Variants in GLRA1 observed in about 807,000 individuals in gnomAD.
The protein encoded by GLRA1 is glycine receptor subunit alpha-1.
Under a neutral mutation model 48.3 loss-of-function variants are expected in GLRA1, and 37 were observed. The ratio of observed to expected loss-of-function variants is 0.77; its 90% confidence interval spans 0.59 to 1.01. The LOEUF (loss-of-function observed/expected upper bound fraction) is 1.01. GLRA1 is among the 50% of genes least tolerant of loss of function. The probability of loss-of-function intolerance (pLI) is 0.00; values close to 1 mark genes in which losing one functional copy is unlikely to be tolerated. For missense variants in GLRA1, 427 were observed against 571.0 expected, an observed-to-expected ratio of 0.75 and a Z score of 2.57; for synonymous variants, 196 against 210.7, an observed-to-expected ratio of 0.93 and a Z score of 0.60.
At chr5:151,833,506 C>T (rs909934080) in intron 7 of GLRA1, among the ~76,000 whole-genome samples, 1 of 152,036 alleles carries the variant, frequency 6.6e-6, no homozygotes, top group Admixed American at 6.5e-5. Context: ...TGTTGCCCCC[C>T]AGGGTGGAGT....
intron 3 of GLRA1, among the ~76,000 whole-genome samples, chr5:151,860,366 T>C (rs539491971): frequency 1.3e-5 from 2 of 152,302 alleles, no homozygotes; most frequent in Non-Finnish European, 2.9e-5. Flanking sequence ...TCATTTTTTT[T>C]AAATAAGAGA....
At chr5:151,873,798 G>T (rs989259024) in intron 3 of GLRA1, among the ~76,000 whole-genome samples, 2 of 152,166 alleles carry the variant, frequency 1.3e-5, no homozygotes, top group African/African-American at 4.8e-5. Context: ...CTCCTTGTCA[G>T]GCTGGGTCTA....
intron 6 of GLRA1, among the ~76,000 whole-genome samples, chr5:151,853,331 CTG>C (rs1004955769): frequency 1.1e-3 from 174 of 152,126 alleles, no homozygotes; most frequent in African/African-American, 4.1e-3. Flanking sequence ...ACTGCAGCCT[CTG>C]TCTCCTGGGT....
intron 7 of GLRA1, among the ~76,000 whole-genome samples, chr5:151,837,232 T>C (rs113193237): frequency 2.6e-5 from 4 of 152,158 alleles, no homozygotes; most frequent in African/African-American, 7.2e-5. Context: ...CACTGGTCAT[T>C]AGAGCAATGC....
intron 1 of GLRA1, among the ~76,000 whole-genome samples, chr5:151,921,665 G>A (rs957663947): frequency 2.0e-5 from 3 of 152,074 alleles, no homozygotes; most frequent in African/African-American, 4.8e-5. Context: ...AGTTCACTTC[G>A]GCTTGAGAGG....
intron 1 of GLRA1, among the ~76,000 whole-genome samples, chr5:151,906,793 G>A (rs1391503156): frequency 1.3e-5 from 2 of 152,166 alleles, no homozygotes; most frequent in African/African-American, 4.8e-5. Flanking sequence ...GTGGTTAATA[G>A]GTGGAATGGT....
chr5:151,886,363 A>G (rs1753905763), intron 3 of GLRA1, among the ~76,000 whole-genome samples: 1 of 152,192 alleles, frequency 6.6e-6, no homozygotes, highest in African/African-American at 2.4e-5. Flanking sequence ...TACCCATTTC[A>G]GCTTGTATAA....
At position 151,828,942 on chromosome 5, in the gene GLRA1, C is replaced by T. The variant is rs1256727007; in HGVS notation, c.1038G>A (p.Arg346=). 6 of 1,614,036 alleles carry T rather than the reference C, an allele frequency of 3.7e-6. No individual in the cohort carries two copies. Among genetic ancestry groups the T allele is most frequent in the South Asian group, 2.2e-5 (2 of 91,056 alleles). ...SRQHKELLRF[R]RKRRHHKEDE... ...CTACCTTGTGATGTCTCCGCTTCCTCCTGAATCGGAGCAGCTCCTTATGTT... is the reference window on the plus strand; with the variant it reads ...CTACCTTGTGATGTCTCCGCTTCCTTCTGAATCGGAGCAGCTCCTTATGTT... The change falls in exon 8 of 9, where the codon AGG becomes AGA. Residue 346 remains arginine, a synonymous_variant. Coordinates refer to ENST00000274576, the MANE Select transcript of GLRA1 (RefSeq NM_000171.4).
intron 2 of GLRA1, among the ~76,000 whole-genome samples, chr5:151,888,102 G>C (rs1282903459): frequency 6.6e-6 from 1 of 152,192 alleles, no homozygotes; most frequent in African/African-American, 2.4e-5. Flanking sequence ...ACTCACCTAG[G>C]CTCATTCAAC....
At chr5:151,832,548 CAG>C (rs1174069383) in intron 7 of GLRA1, among the ~76,000 whole-genome samples, 1 of 152,088 alleles carries the variant, frequency 6.6e-6, no homozygotes, top group Admixed American at 6.5e-5. Context: ...TAAAGGATAT[CAG>C]AGATTGAAGA....
At chr5:151,842,119 T>C (rs1055071167) in intron 7 of GLRA1, among the ~76,000 whole-genome samples, 4 of 151,820 alleles carry the variant, frequency 2.6e-5, no homozygotes, top group South Asian at 2.1e-4. Context: ...GAGATTGAAT[T>C]AGTAATAAAA....
At chr5:151,889,382 G>A (rs1056454929) in intron 2 of GLRA1, among the ~76,000 whole-genome samples, 16 of 152,212 alleles carry the variant, frequency 1.1e-4, no homozygotes, top group African/African-American at 3.9e-4. Flanking sequence ...AGCTGGAATG[G>A]CCTAGTCCTG....
At chr5:151,831,904 C>T (rs1763437050) in intron 7 of GLRA1, among the ~76,000 whole-genome samples, 1 of 152,156 alleles carries the variant, frequency 6.6e-6, no homozygotes. Flanking sequence ...AGAGCTCTGG[C>T]TGGCACCTGG....
At chr5:151,901,498 C>T (rs1046390075) in intron 1 of GLRA1, among the ~76,000 whole-genome samples, 8 of 152,362 alleles carry the variant, frequency 5.3e-5, no homozygotes, top group Admixed American at 5.2e-4. Context: ...ACATAATCAG[C>T]ATGCATCCCA....
At chr5:151,923,455 A>G (rs992881735) in intron 1 of GLRA1, among the ~76,000 whole-genome samples, 27 of 152,224 alleles carry the variant, frequency 1.8e-4, no homozygotes, top group African/African-American at 6.3e-4. Flanking sequence ...AAAATATGAG[A>G]GGCAGGCATC....
chr5:151,845,921 C>G (rs960377326), intron 7 of GLRA1, among the ~76,000 whole-genome samples: 1 of 152,078 alleles, frequency 6.6e-6, no homozygotes, highest in African/African-American at 2.4e-5. Flanking sequence ...ATGGATGAAC[C>G]TTGAAAACAT....
chr5:151,878,424 A>C (rs951140619), intron 3 of GLRA1, among the ~76,000 whole-genome samples: 2 of 152,222 alleles, frequency 1.3e-5, no homozygotes, highest in Non-Finnish European at 2.9e-5. Context: ...AGAAAAACCC[A>C]TTTTCTGAGG....
intron 7 of GLRA1, among the ~76,000 whole-genome samples, chr5:151,837,063 A>G (rs1763596997): frequency 6.6e-6 from 1 of 152,222 alleles, no homozygotes; most frequent in Non-Finnish European, 1.5e-5. Flanking sequence ...TTTGCAATCT[A>G]TCCATCTGAC....
intron 7 of GLRA1, chr5:151,848,930 G>A: frequency 1.4e-6 from 1 of 708,686 alleles, no homozygotes; most frequent in South Asian, 1.4e-5. Context: ...TATTAAGCAG[G>A]TGTACATGTC....
Sources: allele counts gnomAD v4.1 joint callset (sites outside exome capture counted in the v4.1 genomes callset), GRCh38; gene constraint gnomAD v4.1.1; transcripts MANE v1.5; gene names NCBI Gene and HGNC (gene_info 2026-07-23, HGNC 2026-07-21).